CHST9: variants seen among roughly 807,000 people sequenced by gnomAD.
The protein encoded by CHST9 is carbohydrate sulfotransferase 9, also known as GalNAc-4-sulfotransferase 2.
CHST9 carries 41 observed loss-of-function variants against 44.4 expected under a neutral mutation model. The observed-to-expected ratio is 0.92, with a 90% CI of 0.72 to 1.20. CHST9 has a LOEUF of 1.20. Ranked by LOEUF, CHST9 falls within the 50% of genes most tolerant of loss-of-function variation. The pLI, the probability that CHST9 is intolerant of heterozygous loss-of-function variation, is 0.00. For synonymous variants in CHST9, 171 were observed against 178.4 expected (o/e 0.96, Z 0.33); for missense variants, 504 against 516.5 (o/e 0.98, Z 0.23).
At chr18:27,071,658 A>T (rs917546915) in intron 2 of CHST9, among the ~76,000 whole-genome samples, 1 of 152,198 alleles carries the variant, frequency 6.6e-6, no homozygotes, top group Non-Finnish European at 1.5e-5. Flanking sequence ...TCTTTTGGAG[A>T]AATCACTAAA....
At chr18:27,090,717 T>G (rs924703608) in intron 2 of CHST9, among the ~76,000 whole-genome samples, 3 of 152,186 alleles carry the variant, frequency 2.0e-5, no homozygotes, top group South Asian at 2.1e-4. Context: ...TTTCCCCATT[T>G]CTTGTTTTTG....
chr18:27,123,495 T>C (rs1344575109), intron 2 of CHST9, among the ~76,000 whole-genome samples: 2 of 152,266 alleles, frequency 1.3e-5, no homozygotes, highest in Admixed American at 6.5e-5. Context: ...AAAAATAGTT[T>C]ATAATACCAT....
intron 1 of CHST9, among the ~76,000 whole-genome samples, chr18:27,163,624 T>C (rs1346006607): frequency 6.6e-6 from 1 of 152,168 alleles, no homozygotes; most frequent in Non-Finnish European, 1.5e-5. Flanking sequence ...AGGTGCAGGA[T>C]ATAATCTCCT....
chr18:27,024,514 C>T (rs1482243783), intron 3 of CHST9, among the ~76,000 whole-genome samples: 1 of 152,110 alleles, frequency 6.6e-6, no homozygotes, highest in African/African-American at 2.4e-5. Flanking sequence ...GCATTCCATC[C>T]CATAACAGAT....
chr18:26,972,486 G>C (rs1009275380), intron 4 of CHST9, among the ~76,000 whole-genome samples: 2 of 152,024 alleles, frequency 1.3e-5, no homozygotes, highest in Non-Finnish European at 2.9e-5. Flanking sequence ...GGGAGCAGGA[G>C]CGCAAAAGCC....
At chr18:26,982,701 G>A (rs2056707301) in intron 4 of CHST9, among the ~76,000 whole-genome samples, 1 of 152,080 alleles carries the variant, frequency 6.6e-6, no homozygotes. Context: ...AGGTATCTCT[G>A]TGTTCCTAAC....
chr18:27,047,659 G>A (rs1249969892), intron 3 of CHST9, among the ~76,000 whole-genome samples: 1 of 148,364 alleles, frequency 6.7e-6, no homozygotes, highest in African/African-American at 2.5e-5. Flanking sequence ...AGGAAATGAA[G>A]CTAAAAGAAG....
chr18:27,024,227 C>G, intron 3 of CHST9, 70 bp from the exon 4 acceptor site: 1 of 1,262,660 alleles, frequency 7.9e-7, no homozygotes, highest in East Asian at 2.4e-5. Flanking sequence ...ACTTTCTACA[C>G]AAAGATGCCT....
At chr18:27,141,725 T>G (rs889831678) in intron 2 of CHST9, among the ~76,000 whole-genome samples, 1 of 149,506 alleles carries the variant, frequency 6.7e-6, no homozygotes, top group African/African-American at 2.5e-5. Context: ...CTTAAGGGTT[T>G]TATATCTAGA....
intron 3 of CHST9, among the ~76,000 whole-genome samples, chr18:27,030,436 T>G (rs2057327958): frequency 6.6e-6 from 1 of 152,224 alleles, no homozygotes; most frequent in South Asian, 2.1e-4. Flanking sequence ...GTAAAGAGTA[T>G]ATGAGTAGAT....
At chr18:27,162,298 A>G (rs1216344144) in intron 1 of CHST9, among the ~76,000 whole-genome samples, 1 of 151,952 alleles carries the variant, frequency 6.6e-6, no homozygotes, top group African/African-American at 2.4e-5. Context: ...TTTTAGGGCA[A>G]GCCTGGTGGT....
At chr18:27,091,445 C>T (rs1210676598) in intron 2 of CHST9, among the ~76,000 whole-genome samples, 1 of 152,156 alleles carries the variant, frequency 6.6e-6, no homozygotes, top group Non-Finnish European at 1.5e-5. Flanking sequence ...ATTTCTTCCT[C>T]TTGCCTGATT....
chr18:26,962,134 C>T (rs139050539), intron 4 of CHST9, among the ~76,000 whole-genome samples: 96 of 152,240 alleles, frequency 6.3e-4, no homozygotes, highest in Admixed American at 1.6e-3. Context: ...AACTGAGACA[C>T]AGCTTACAGA....
intron 4 of CHST9, among the ~76,000 whole-genome samples, chr18:26,948,936 A>T (rs181368670): frequency 1.3e-5 from 2 of 152,244 alleles, no homozygotes; most frequent in East Asian, 3.9e-4. Flanking sequence ...ACACTTTAGC[A>T]GGTGTGGGGA....
intron 2 of CHST9, among the ~76,000 whole-genome samples, chr18:27,086,226 A>G (rs2058011031): frequency 6.6e-6 from 1 of 152,222 alleles, no homozygotes; most frequent in South Asian, 2.1e-4. Context: ...ACACACACCC[A>G]TGTAACAAAC....
intron 5 of CHST9, among the ~76,000 whole-genome samples, chr18:26,942,078 T>G (rs1178487384): frequency 6.6e-6 from 1 of 152,116 alleles, no homozygotes; most frequent in East Asian, 1.9e-4. Context: ...CTTTTTTTTT[T>G]GATAAAAAAT....
At chr18:26,968,015 C>G (rs183226567) in intron 4 of CHST9, among the ~76,000 whole-genome samples, 1 of 152,302 alleles carries the variant, frequency 6.6e-6, no homozygotes, top group South Asian at 2.1e-4. Context: ...GGCCTTCGGC[C>G]GCAGACTGAA....
chr18:27,068,363 T>C (rs1350097851), intron 2 of CHST9, among the ~76,000 whole-genome samples: 1 of 152,180 alleles, frequency 6.6e-6, no homozygotes, highest in Non-Finnish European at 1.5e-5. Flanking sequence ...AAGATGTACT[T>C]GAGGTCTTTT....
intron 4 of CHST9, among the ~76,000 whole-genome samples, chr18:26,947,618 C>G (rs571887078): frequency 3.9e-5 from 6 of 152,304 alleles, no homozygotes; most frequent in African/African-American, 1.4e-4. Flanking sequence ...TTCTTGAAGA[C>G]ATTTATGCAG....
Sources: gnomAD v4.1 joint callset for allele counts (sites outside exome capture counted in the v4.1 genomes callset) on GRCh38, gnomAD v4.1.1 for gene constraint, MANE v1.5 for transcripts, NCBI Gene and HGNC (gene_info 2026-07-23, HGNC 2026-07-21) for gene names.